The following GRM8 variants were observed in gnomAD, a reference collection of about 807,000 sequenced individuals.
GRM8 encodes metabotropic glutamate receptor 8.
In GRM8, 47 loss-of-function variants were observed where a neutral mutation model predicts 87.2. The observed-to-expected ratio is 0.54, with a 90% CI of 0.43 to 0.69. The LOEUF is 0.69. GRM8 is among the 30% of genes least tolerant of loss of function. The pLI is 0.00. For synonymous variants in GRM8, 396 were observed against 404.5 expected (o/e 0.98, Z 0.25); for missense variants, 1,019 against 1,139.2 (o/e 0.89, Z 1.52).
In GRM8 at chr7:126,767,659, A is replaced by C. The variant is rs78413010; in HGVS notation, c.1357+2206T>G. The stretch of plus-strand genomic sequence containing the variant: ...TTTGATGGTGTACTTTTATTTGAAC[A>C]GCTTTGTGTGTCATTTTTATCATAA... On this transcript the variant is annotated intron_variant, in intron 7 of 10. Coordinates refer to ENST00000339582, the MANE Select transcript of GRM8 (RefSeq NM_000845.3). Among the ~76,000 whole-genome samples, 729 of 152,166 alleles carry C rather than the reference A, an allele frequency of 4.8e-3. 6 individuals are homozygous for C. Among genetic ancestry groups the C allele is most frequent in the African/African-American group, 0.017 (698 of 41,544 alleles).
At chr7:126,762,254 G>A (rs186271708) in intron 7 of GRM8, among the ~76,000 whole-genome samples, 9 of 150,652 alleles carry the variant, frequency 6.0e-5, no homozygotes, top group Admixed American at 2.6e-4. Context: ...TTTTTTTCTT[G>A]TAAAGAACGC....
At chr7:126,802,790 A>G (rs76467408) in intron 6 of GRM8, among the ~76,000 whole-genome samples, 1 of 152,176 alleles carries the variant, frequency 6.6e-6, no homozygotes, top group African/African-American at 2.4e-5. Flanking sequence ...CCACAAAATT[A>G]AAGTTTTAAA....
intron 2 of GRM8, among the ~76,000 whole-genome samples, chr7:127,170,829 G>T (rs913111115): frequency 7.9e-5 from 12 of 152,088 alleles, no homozygotes; most frequent in African/African-American, 2.9e-4. Context: ...AACGGACTTT[G>T]GGGACTCAGG....
At chr7:126,999,748 G>A (rs1174936505) in intron 3 of GRM8, among the ~76,000 whole-genome samples, 1 of 151,694 alleles carries the variant, frequency 6.6e-6, no homozygotes, top group Non-Finnish European at 1.5e-5. Context: ...AAATGCTGGA[G>A]AGAATGTCAA....
chr7:127,025,329 AC>A (rs1816675411), intron 3 of GRM8, among the ~76,000 whole-genome samples: 1 of 151,958 alleles, frequency 6.6e-6, no homozygotes, highest in Non-Finnish European at 1.5e-5. Context: ...CAGACACTAG[AC>A]CCTTGGGGAC....
chr7:126,976,191 C>T (rs1242895811), intron 3 of GRM8, among the ~76,000 whole-genome samples: 5 of 152,114 alleles, frequency 3.3e-5, no homozygotes, highest in Non-Finnish European at 5.9e-5. Flanking sequence ...TCTTCTGGTC[C>T]TGGTCCATAT....
intron 8 of GRM8, among the ~76,000 whole-genome samples, chr7:126,563,892 G>A (rs2150966514): frequency 6.6e-6 from 1 of 152,334 alleles, no homozygotes; most frequent in South Asian, 2.1e-4. Flanking sequence ...TACATTAACA[G>A]AGAAAGTGCT....
At chr7:127,146,771 C>A (rs1019584754) in intron 2 of GRM8, among the ~76,000 whole-genome samples, 1 of 151,990 alleles carries the variant, frequency 6.6e-6, no homozygotes, top group Non-Finnish European at 1.5e-5. Context: ...TCCACTTACT[C>A]AAAAATCTCA....
chr7:127,079,716 G>C (rs763524574), intron 3 of GRM8, among the ~76,000 whole-genome samples: 2 of 152,192 alleles, frequency 1.3e-5, no homozygotes, highest in African/African-American at 2.4e-5. Context: ...CTGGTTGGCA[G>C]TGGCCATTTG....
chr7:126,999,782 T>A (rs1483626966), intron 3 of GRM8, among the ~76,000 whole-genome samples: 1 of 151,816 alleles, frequency 6.6e-6, no homozygotes, highest in Non-Finnish European at 1.5e-5. Context: ...TGGTACACTG[T>A]CGGTGAGAAT....
At chr7:126,917,880 C>T (rs1804089368) in intron 3 of GRM8, among the ~76,000 whole-genome samples, 1 of 152,182 alleles carries the variant, frequency 6.6e-6, no homozygotes. Context: ...CCGACATCCT[C>T]TCAAAAGAGC....
rs1236676001 is a variant in GRM8, at chr7:126,952,944, T to C, written c.728-48261A>G. Among the ~76,000 whole-genome samples the C allele has an allele frequency of 2.6e-5, 4 of 152,172 alleles. No individual in the cohort carries two copies. In the East Asian group the frequency reaches 7.7e-4, roughly 29 times the overall value. The stretch of plus-strand genomic sequence containing the variant: ...AAAAACTGGTAGAATTTGAATAAGA[T>C]TTTTGTTTAATTATTGGTATTATAT... On this transcript the variant is annotated intron_variant, in intron 3 of 10. Coordinates refer to ENST00000339582, the MANE Select transcript of GRM8 (RefSeq NM_000845.3).
At chr7:126,699,718 T>C (rs1261971896) in intron 7 of GRM8, among the ~76,000 whole-genome samples, 1 of 152,164 alleles carries the variant, frequency 6.6e-6, no homozygotes, top group Non-Finnish European at 1.5e-5. Flanking sequence ...AAGTTCTCCC[T>C]TTGGTGTGTG....
intron 3 of GRM8, among the ~76,000 whole-genome samples, chr7:126,989,487 G>A (rs1812423211): frequency 6.6e-6 from 1 of 152,088 alleles, no homozygotes; most frequent in Non-Finnish European, 1.5e-5. Flanking sequence ...ACAGTGTCCT[G>A]TACCCTTTCA....
rs1484010572 is a variant in GRM8 at position 126,898,543 on chromosome 7, G to A, written c.1156+3999C>T. Reference sequence around the variant, plus strand: ...GGGTGCATTTGCCCTAGCACTTGGAGTAAACACCATTTTCATTGCACTAGA... The same window carrying A: ...GGGTGCATTTGCCCTAGCACTTGGAATAAACACCATTTTCATTGCACTAGA... On this transcript the variant is annotated intron_variant, in intron 6 of 10. Coordinates refer to ENST00000339582, the MANE Select transcript of GRM8 (RefSeq NM_000845.3). 2.6e-5 allele frequency among the ~76,000 whole-genome samples: 4 copies of A among 152,298 alleles called. No homozygotes were observed. The East Asian group carries it at 7.7e-4, about 29-fold the overall frequency.
At chr7:126,712,997 G>C (rs552142731) in intron 7 of GRM8, among the ~76,000 whole-genome samples, 230 of 152,274 alleles carry the variant, frequency 1.5e-3, no homozygotes, top group Non-Finnish European at 2.9e-3. Flanking sequence ...CTGTTTTGGT[G>C]GGAGTGTAAA....
intron 3 of GRM8, among the ~76,000 whole-genome samples, chr7:126,955,814 T>C (rs1051821022): frequency 6.6e-6 from 1 of 152,184 alleles, no homozygotes; most frequent in Admixed American, 6.5e-5. Context: ...TGGATCTCGA[T>C]AGGAGTTTTT....
chr7:126,846,915 G>A (rs1043167094), intron 6 of GRM8, among the ~76,000 whole-genome samples: 1 of 152,022 alleles, frequency 6.6e-6, no homozygotes, highest in Non-Finnish European at 1.5e-5. Context: ...TTTTCCTATT[G>A]CACCACAGTA....
intron 3 of GRM8, among the ~76,000 whole-genome samples, chr7:127,032,113 G>T (rs1586805429): frequency 6.6e-6 from 1 of 152,044 alleles, no homozygotes; most frequent in Admixed American, 6.6e-5. Context: ...ATGTCCAAGT[G>T]GTGAACCTAT....
Sources: allele counts gnomAD v4.1 joint callset (sites outside exome capture counted in the v4.1 genomes callset), GRCh38; gene constraint gnomAD v4.1.1; transcripts MANE v1.5; gene names NCBI Gene and HGNC (gene_info 2026-07-23, HGNC 2026-07-21).